C4orf51: variants seen among roughly 807,000 people sequenced by gnomAD.
C4orf51 encodes uncharacterized protein C4orf51.
C4orf51 carries 25 observed loss-of-function variants against 25.2 expected under a neutral mutation model. The ratio of observed to expected loss-of-function variants is 0.99; its 90% CI spans 0.72 to 1.39. The LOEUF is 1.39. C4orf51 is among the 40% of genes most tolerant of loss of function. The pLI is 0.00. For synonymous variants in C4orf51, 100 were observed against 84.5 expected, an observed-to-expected ratio of 1.18 and a Z score of -1.01; for missense variants, 252 against 239.6, an observed-to-expected ratio of 1.05 and a Z score of -0.34.
At chr4:145,731,452 G>GCA (rs1178326706) in intron 5 of C4orf51, among the ~76,000 whole-genome samples, 1 of 150,924 alleles carries the variant, frequency 6.6e-6, no homozygotes, top group East Asian at 1.9e-4. Flanking sequence ...ACATGCAGGT[G>GCA]CACACACACA....
intron 1 of C4orf51, among the ~76,000 whole-genome samples, chr4:145,687,007 G>GGT (rs1729198690): frequency 7.6e-6 from 1 of 131,216 alleles, no homozygotes; most frequent in South Asian, 2.3e-4. Flanking sequence ...TCTTGTGGGG[G>GGT]GGGCGGTTTC....
intron 1 of C4orf51, among the ~76,000 whole-genome samples, chr4:145,696,324 G>A (rs1730047428): frequency 6.6e-6 from 1 of 152,068 alleles, no homozygotes. Context: ...AGGAGGGAGA[G>A]GAGCAGAACA....
In C4orf51 at chr4:145,763,072, C is replaced by T. The variant is rs1289248068; in HGVS notation, n.167-7916C>T. 5.9e-6 allele frequency: 9 copies of T among 1,535,396 alleles called. 1 individual carries two copies. Among genetic ancestry groups the T allele is most frequent in the Non-Finnish European group, 7.0e-6 (8 of 1,146,528 alleles). ...AGGTCAGGTGCACACACAACCCCTA[C>T]GCCAAGCTGGGCCTTACCTAGAGGA... On this transcript the variant is annotated intron_variant and non_coding_transcript_variant, in intron 1 of 1. Transcript: ENST00000510096. This position sits in a 1 kb window ranked among gnomAD's most constrained non-coding sequence, Gnocchi z 4.6.
At chr4:145,791,877 T>C in the C4orf51 span, among the ~76,000 whole-genome samples, 1 of 152,336 alleles carries the variant, frequency 6.6e-6, no homozygotes, top group Middle Eastern at 3.4e-3. Flanking sequence ...AATCAGCTTG[T>C]TCTTACATAG....
downstream of C4orf51, among the ~76,000 whole-genome samples, chr4:145,755,997 A>C (rs1025476238): frequency 1.3e-5 from 2 of 152,202 alleles, no homozygotes; most frequent in African/African-American, 4.8e-5. Context: ...ACCCGCTTCC[A>C]TCTCTCACTA....
At position 145,696,710 on chromosome 4, in the gene C4orf51, C is replaced by T. The variant is rs1221070371; in HGVS notation, c.307+78C>T. 3.7e-6 allele frequency: 4 copies of T among 1,068,768 alleles called. No individual in the cohort carries two copies. In the African/African-American group the frequency reaches 6.4e-5, roughly 17 times the overall value. The allele number at this position is 1,068,768 out of a possible 1,614,324, so 66.2% of individuals were successfully genotyped here. ...TGTTTCTTTCAGGTTCTTTTTTTTT[C>T]TCTCACTTTACTGAGATATGATTGA... On this transcript the variant is annotated intron_variant, in intron 2 of 5. Coordinates refer to ENST00000438731, the MANE Select transcript of C4orf51 (RefSeq NM_001080531.3).
At chr4:145,789,844 A>C in the C4orf51 span, among the ~76,000 whole-genome samples, 1 of 152,232 alleles carries the variant, frequency 6.6e-6, no homozygotes, top group Non-Finnish European at 1.5e-5. Context: ...AGAGAGCTTT[A>C]TTGAGGCAAC....
At chr4:145,682,899 C>G (rs1223820650) in intron 1 of C4orf51, among the ~76,000 whole-genome samples, 3 of 151,788 alleles carry the variant, frequency 2.0e-5, no homozygotes, top group Non-Finnish European at 2.9e-5. Context: ...TTTCTGTATT[C>G]AAGACAAGGA....
chr4:145,722,308 G>A (rs1487932751), intron 2 of C4orf51, among the ~76,000 whole-genome samples: 1 of 152,000 alleles, frequency 6.6e-6, no homozygotes, highest in Admixed American at 6.6e-5. Flanking sequence ...CTTATTTGCT[G>A]GAATGTTGAG....
At chr4:145,756,182 A>G (rs1358950746), downstream of C4orf51, among the ~76,000 whole-genome samples, 3 of 152,098 alleles carry the variant, frequency 2.0e-5, no homozygotes, top group Non-Finnish European at 4.4e-5. Flanking sequence ...ATGGTTTGCT[A>G]TTTCTCCTTG....
chr4:145,766,777 A>G (rs930880213), intron 1 of C4orf51, among the ~76,000 whole-genome samples: 1 of 152,216 alleles, frequency 6.6e-6, no homozygotes, highest in African/African-American at 2.4e-5. Context: ...GCTAGAAATA[A>G]TGCCTGTTTC....
chr4:145,736,521 G>A (rs779312650), downstream of C4orf51, among the ~76,000 whole-genome samples: 3 of 152,128 alleles, frequency 2.0e-5, no homozygotes, highest in Admixed American at 6.5e-5. Context: ...AACAGCTGCC[G>A]TCCATCAGCT....
intron 1 of C4orf51, among the ~76,000 whole-genome samples, chr4:145,680,888 T>A (rs923743313): frequency 2.6e-5 from 4 of 152,188 alleles, no homozygotes; most frequent in Non-Finnish European, 5.9e-5. Flanking sequence ...GGCCCTGTGA[T>A]AAGCCCATAA....
the C4orf51 span, among the ~76,000 whole-genome samples, chr4:145,787,393 T>C: frequency 7.1e-6 from 1 of 141,146 alleles, no homozygotes; most frequent in Non-Finnish European, 1.5e-5. Context: ...AACCCGGAGG[T>C]AGAGATTGCA....
chr4:145,773,342 T>G (rs1736572657), downstream of C4orf51, among the ~76,000 whole-genome samples: 1 of 152,184 alleles, frequency 6.6e-6, no homozygotes, highest in Non-Finnish European at 1.5e-5. Flanking sequence ...CTCAATTTAC[T>G]GACAAAAACA....
intron 1 of C4orf51, among the ~76,000 whole-genome samples, chr4:145,766,126 A>G (rs949264144): frequency 6.6e-6 from 1 of 152,196 alleles, no homozygotes; most frequent in African/African-American, 2.4e-5. Flanking sequence ...CGATGAGGGA[A>G]TGGAGTCACA....
chr4:145,686,113 A>G (rs1282579943), intron 1 of C4orf51, among the ~76,000 whole-genome samples: 1 of 152,232 alleles, frequency 6.6e-6, no homozygotes, highest in Admixed American at 6.5e-5. Flanking sequence ...GACACATGCT[A>G]CAACATGGAT....
Position 145,682,867 on chromosome 4 carries a change from A to G in C4orf51, c.233+2431A>G, listed in dbSNP as rs368195887. Among the ~76,000 whole-genome samples the G allele has an allele frequency of 5.3e-5, 8 of 152,320 alleles. No homozygotes were observed. In the South Asian group the frequency reaches 1.2e-3, roughly 24 times the overall value. On this transcript the variant is annotated intron_variant, in intron 1 of 5. Coordinates refer to ENST00000438731, the MANE Select transcript of C4orf51 (RefSeq NM_001080531.3). ...CCTAAGACAGGAACGTGGCTCAAGT[A>G]TAAATTATTAAGTCTTGATTCTTTC...
the C4orf51 span, among the ~76,000 whole-genome samples, chr4:145,790,606 C>G: frequency 6.6e-6 from 1 of 152,162 alleles, no homozygotes; most frequent in Non-Finnish European, 1.5e-5. Flanking sequence ...TTCTGCAGTT[C>G]TCTTCACTAA....
Sources: allele counts gnomAD v4.1 joint callset (sites outside exome capture counted in the v4.1 genomes callset), GRCh38; gene constraint gnomAD v4.1.1; non-coding constraint Gnocchi (gnomAD v3.1); transcripts MANE v1.5; gene names NCBI Gene and HGNC (gene_info 2026-07-23, HGNC 2026-07-21).